Variants in CNGA3 observed in about 807,000 individuals in gnomAD.
The protein encoded by CNGA3 is cyclic nucleotide-gated channel alpha-3.
A neutral mutation model predicts 46.6 loss-of-function variants in CNGA3; 42 were observed. The observed-to-expected ratio is 0.90, with a 90% confidence interval of 0.70 to 1.17. The LOEUF is 1.17. CNGA3 is among the 50% of genes most tolerant of loss of function. The pLI is 0.00. For missense variants in CNGA3, 893 were observed against 890.7 expected, an observed-to-expected ratio of 1.00 and a Z score of -0.03; for synonymous variants, 394 against 369.4, an observed-to-expected ratio of 1.07 and a Z score of -0.76.
At chr2:98,372,253 T>C (rs1007086394) in intron 2 of CNGA3, among the ~76,000 whole-genome samples, 17 of 152,222 alleles carry the variant, frequency 1.1e-4, no homozygotes, top group African/African-American at 4.1e-4. Context: ...ACCTGTATCC[T>C]GTTGAAGCTT....
chr2:98,351,621 A>G (rs1479413529), intron 1 of CNGA3, among the ~76,000 whole-genome samples: 1 of 152,228 alleles, frequency 6.6e-6, no homozygotes, highest in Non-Finnish European at 1.5e-5. Flanking sequence ...AGGGGATAAG[A>G]ATAATATTTA....
intron 1 of CNGA3, among the ~76,000 whole-genome samples, chr2:98,365,306 G>C (rs967883666): frequency 6.6e-6 from 1 of 152,204 alleles, no homozygotes; most frequent in African/African-American, 2.4e-5. Flanking sequence ...GCTGGGCATG[G>C]TGGCATAAGC....
intron 2 of CNGA3, among the ~76,000 whole-genome samples, chr2:98,376,115 CA>C (rs528395839): frequency 9.5e-4 from 144 of 151,766 alleles, no homozygotes; most frequent in African/African-American, 3.5e-3. Flanking sequence ...TACTTAATTC[CA>C]AAAAAAATCA....
intron 1 of CNGA3, among the ~76,000 whole-genome samples, chr2:98,368,115 T>C (rs1574368562): frequency 6.6e-6 from 1 of 152,252 alleles, no homozygotes; most frequent in African/African-American, 2.4e-5. Context: ...GTTTGATCTA[T>C]TGAGAAAACC....
intron 1 of CNGA3, among the ~76,000 whole-genome samples, chr2:98,352,658 T>A (rs1228370571): frequency 6.6e-6 from 1 of 152,218 alleles, no homozygotes; most frequent in African/African-American, 2.4e-5. Context: ...ATCCATGGAC[T>A]GGGTAAAGCA....
Position 98,397,412 on chromosome 2 carries a change from A to G in CNGA3, c.*157A>G. ...CCTGAGAGAACCTGTTTCTTCACCT[A>G]AAAAATGGGACTTTTTGTCTCAGTC... is the stretch of plus-strand genomic sequence containing the variant. On this transcript the variant is annotated 3_prime_UTR_variant, in exon 8 of 8. Coordinates refer to ENST00000272602, the MANE Select transcript of CNGA3 (RefSeq NM_001298.3). 1.3e-6 allele frequency: 1 copy of G among 765,944 alleles called. No homozygotes were observed. The highest frequency in any genetic ancestry group is 2.2e-6 in the Non-Finnish European group (1 of 463,352). The allele number at this position is 765,944 out of a possible 1,614,324, so 47.4% of individuals were successfully genotyped here.
In CNGA3 at chr2:98,398,301, T is replaced by C. The variant is rs1692971623; in HGVS notation, c.*1046T>C. ...TTTTTAAAAAACAAACCCCAGTAAA[T>C]ATAATTTCATTAACATTTTATAACA... On this transcript the variant is annotated 3_prime_UTR_variant, in exon 8 of 8. Transcript: ENST00000272602. The C allele has an allele frequency of 6.6e-6, 1 of 152,178 alleles. No homozygotes were observed. Among genetic ancestry groups the C allele is most frequent in the Non-Finnish European group, 1.5e-5 (1 of 68,022 alleles). The allele number at this position is 152,178 out of a possible 1,614,324, so 9.4% of individuals were successfully genotyped here. A position where few individuals can be genotyped will look rare whatever the true frequency, so the allele number is the denominator to read the frequency against.
Position 98,397,611 on chromosome 2 carries a change from A to G in CNGA3, c.*356A>G, listed in dbSNP as rs1574392676. 8.8e-6 allele frequency: 3 copies of G among 341,418 alleles called. No homozygotes were observed. In the East Asian group the frequency reaches 2.2e-4, roughly 25 times the overall value. 21.1% of individuals were successfully genotyped at this position (341,418 alleles called of 1,614,324 possible). On this transcript the variant is annotated 3_prime_UTR_variant, in exon 8 of 8. Coordinates refer to ENST00000272602, the MANE Select transcript of CNGA3 (RefSeq NM_001298.3). Reference sequence around the variant, plus strand: ...TTAGGCTTTTTAATCTGATTTTCTTATAAATGAAAGATTATTTAGTCACCT... The same window carrying G: ...TTAGGCTTTTTAATCTGATTTTCTTGTAAATGAAAGATTATTTAGTCACCT...
chr2:98,371,306 A>C (rs1244785495), intron 2 of CNGA3, among the ~76,000 whole-genome samples: 1 of 152,112 alleles, frequency 6.6e-6, no homozygotes, highest in Non-Finnish European at 1.5e-5. Context: ...ACCTCCCTGC[A>C]CTGGGCCCTC....
chr2:98,359,853 C>T (rs1204787627), intron 1 of CNGA3, among the ~76,000 whole-genome samples: 1 of 152,234 alleles, frequency 6.6e-6, no homozygotes, highest in South Asian at 2.1e-4. Flanking sequence ...GGAAGAGTCC[C>T]AGGCAGGCTC....
At chr2:98,384,803 G>T (rs760635123) in intron 5 of CNGA3, among the ~76,000 whole-genome samples, 20 of 152,290 alleles carry the variant, frequency 1.3e-4, no homozygotes, top group South Asian at 2.1e-4. Context: ...TGGGTGGATA[G>T]CGTGGGCTGC....
chr2:98,371,234 C>T (rs145440819), intron 2 of CNGA3, among the ~76,000 whole-genome samples: 1 of 152,340 alleles, frequency 6.6e-6, no homozygotes, highest in East Asian at 1.9e-4. Flanking sequence ...CTTCTCCCCA[C>T]TATGCAGCTT....
At chr2:98,377,886 A>G in intron 3 of CNGA3, 86 bp downstream of exon 3, 1 of 1,357,432 alleles carries the variant, frequency 7.4e-7, no homozygotes, top group African/African-American at 1.4e-5. Context: ...AAAGTGCTAG[A>G]TGGGGGTGGA....
chr2:98,351,393 G>A (rs1691765999), intron 1 of CNGA3, among the ~76,000 whole-genome samples: 1 of 152,176 alleles, frequency 6.6e-6, no homozygotes, highest in African/African-American at 2.4e-5. Flanking sequence ...TAGTGAATAA[G>A]TCTCATGAGA....
intron 1 of CNGA3, among the ~76,000 whole-genome samples, chr2:98,351,428 G>C (rs2055592): frequency 6.6e-6 from 1 of 151,924 alleles, no homozygotes; most frequent in Non-Finnish European, 1.5e-5. Flanking sequence ...AAGGGGGAGC[G>C]TCCCTGCACA....
rs151279710 is a variant in CNGA3 at position 98,389,174 on chromosome 2, A to G, written c.450-484A>G. Among the ~76,000 whole-genome samples the G allele has an allele frequency of 5.4e-4, 83 of 152,294 alleles. 1 individual carries two copies. In the East Asian group the frequency reaches 0.015, roughly 28 times the overall value. On this transcript the variant is annotated intron_variant, in intron 5 of 7. Coordinates refer to ENST00000272602, the MANE Select transcript of CNGA3 (RefSeq NM_001298.3). ...AGGTGGAGAGGGTTCTGGAGGGAAT[A>G]CTGTGGGGCTCCCCAACTCTGTCCA...
chr2:98,391,820 A>G (rs1391086223), intron 6 of CNGA3, 44 bp from the exon 7 acceptor site: 1 of 1,598,946 alleles, frequency 6.3e-7, no homozygotes, highest in Non-Finnish European at 8.6e-7. Flanking sequence ...TCCACGCTCC[A>G]GAAACACACG....
At chr2:98,366,366 C>A (rs1175322188) in intron 1 of CNGA3, among the ~76,000 whole-genome samples, 3 of 152,210 alleles carry the variant, frequency 2.0e-5, no homozygotes, top group East Asian at 1.9e-4. Context: ...GGGGTCTCAC[C>A]CAGTCAGGAA....
intron 1 of CNGA3, chr2:98,355,710 A>T (rs1308317430): frequency 6.6e-6 from 1 of 152,224 alleles, no homozygotes; most frequent in Non-Finnish European, 1.5e-5. Flanking sequence ...TTTAAATAAA[A>T]TACAATAAGT....
Sources: gnomAD v4.1 joint callset for allele counts (sites outside exome capture counted in the v4.1 genomes callset) on GRCh38, gnomAD v4.1.1 for gene constraint, MANE v1.5 for transcripts, NCBI Gene and HGNC (gene_info 2026-07-23, HGNC 2026-07-21) for gene names.